The following MRPS27 variants were observed in gnomAD, a reference collection of about 807,000 sequenced individuals.
MRPS27 encodes the protein mitochondrial ribosomal protein S27.
MRPS27 carries 43 observed loss-of-function variants against 48.9 expected under a neutral mutation model. That is an observed-to-expected ratio of 0.88 (90% confidence interval 0.69 to 1.13). The LOEUF is 1.13. Ranked by LOEUF, MRPS27 falls within the 50% of genes most tolerant of loss-of-function variation. The pLI is 0.00. For synonymous variants in MRPS27, 188 were observed against 171.9 expected, an observed-to-expected ratio of 1.09 and a Z score of -0.73; for missense variants, 467 against 476.3, an observed-to-expected ratio of 0.98 and a Z score of 0.18.
At chr5:72,310,677 T>C (rs1257989337) in intron 2 of MRPS27, among the ~76,000 whole-genome samples, 1 of 152,332 alleles carries the variant, frequency 6.6e-6, no homozygotes, top group Non-Finnish European at 1.5e-5. Context: ...ACCATTATAG[T>C]AAAGATTGAT....
rs547922701 is a variant in MRPS27 at position 72,227,810 on chromosome 5, AC to A, written c.694+455del. 332 of 161,692 alleles carry A rather than the reference AC, an allele frequency of 2.1e-3. 4 individuals carry two copies. The highest frequency in any genetic ancestry group is 7.7e-3 in the African/African-American group (324 of 41,948). The allele number at this position is 161,692 out of a possible 1,614,324, so 10.0% of individuals were successfully genotyped here. A position where few individuals can be genotyped will look rare whatever the true frequency, so the allele number is the denominator to read the frequency against. On this transcript the variant is annotated intron_variant, in intron 8 of 10. Coordinates refer to ENST00000261413, the MANE Select transcript of MRPS27 (RefSeq NM_015084.3). The stretch of plus-strand genomic sequence containing the variant: ...ACCACTCCACTTTTCCTGAAGTGCT[AC>A]TACTTCTGCTCTTAGTTTATCTTCC...
At chr5:72,318,928 T>G (rs777218621) in intron 1 of MRPS27, among the ~76,000 whole-genome samples, 1 of 152,242 alleles carries the variant, frequency 6.6e-6, no homozygotes, top group African/African-American at 2.4e-5. Context: ...TGTCAAGCGT[T>G]GTGCATAACA....
chr5:72,291,881 G>A (rs1436343942), intron 4 of MRPS27, among the ~76,000 whole-genome samples: 1 of 152,164 alleles, frequency 6.6e-6, no homozygotes, highest in Non-Finnish European at 1.5e-5. Context: ...TAGCTCCAGG[G>A]CTTCTCAGAA....
At chr5:72,308,340 A>T in intron 2 of MRPS27, among the ~76,000 whole-genome samples, 1 of 152,090 alleles carries the variant, frequency 6.6e-6, no homozygotes, top group East Asian at 1.9e-4. Flanking sequence ...CCACACCCAC[A>T]CGCCGCAGTG....
At chr5:72,269,116 GA>G (rs1213134198) in intron 4 of MRPS27, among the ~76,000 whole-genome samples, 1 of 152,216 alleles carries the variant, frequency 6.6e-6, no homozygotes, top group Admixed American at 6.5e-5. Context: ...TGTTGCATAT[GA>G]GTTTTCCTTG....
chr5:72,239,301 T>C (rs1748290336), intron 4 of MRPS27, among the ~76,000 whole-genome samples: 1 of 152,124 alleles, frequency 6.6e-6, no homozygotes. Flanking sequence ...TCTGCCAAAG[T>C]AATGGTTAAG....
At chr5:72,222,159 A>G (rs1408924429) in intron 10 of MRPS27, among the ~76,000 whole-genome samples, 1 of 152,210 alleles carries the variant, frequency 6.6e-6, no homozygotes, top group Non-Finnish European at 1.5e-5. Context: ...ACCTCTGACT[A>G]ATAAAAATCA....
intron 2 of MRPS27, among the ~76,000 whole-genome samples, chr5:72,309,789 T>C (rs962594145): frequency 3.9e-5 from 6 of 152,208 alleles, no homozygotes; most frequent in Non-Finnish European, 8.8e-5. Context: ...AATTCACATA[T>C]GGCACATCCG....
At chr5:72,281,108 T>C (rs1749522631) in intron 4 of MRPS27, among the ~76,000 whole-genome samples, 1 of 152,206 alleles carries the variant, frequency 6.6e-6, no homozygotes, top group Non-Finnish European at 1.5e-5. Context: ...TAGGGAAACC[T>C]AAACCAGAAA....
chr5:72,293,275 C>T (rs1427882921), intron 4 of MRPS27, among the ~76,000 whole-genome samples: 2 of 147,600 alleles, frequency 1.4e-5, no homozygotes, highest in African/African-American at 5.0e-5. Context: ...CACATGAAGT[C>T]ATAAAAACAT....
chr5:72,316,573 T>C (rs1750569841), intron 1 of MRPS27, among the ~76,000 whole-genome samples: 1 of 151,886 alleles, frequency 6.6e-6, no homozygotes, highest in Non-Finnish European at 1.5e-5. Context: ...TTCACCATAA[T>C]AGCCAGGCTG....
rs538614096 is a variant in MRPS27 at position 72,286,181 on chromosome 5, C to A, written c.281+9350G>T. Reference sequence around the variant, plus strand: ...TGTCTCTATATTAATAATGCATGTGCGTGTGTGTATATACCTAAATATGTA... The same window carrying A: ...TGTCTCTATATTAATAATGCATGTGAGTGTGTGTATATACCTAAATATGTA... On this transcript the variant is annotated intron_variant, in intron 4 of 10. Coordinates refer to ENST00000261413, the MANE Select transcript of MRPS27 (RefSeq NM_015084.3). 1.5e-4 allele frequency among the ~76,000 whole-genome samples: 23 copies of A among 152,052 alleles called. 1 individual carries two copies. The highest frequency in any genetic ancestry group is 4.3e-4 in the African/African-American group (18 of 41,458).
intron 1 of MRPS27, among the ~76,000 whole-genome samples, chr5:72,315,193 T>C (rs943328485): frequency 6.6e-6 from 1 of 152,288 alleles, no homozygotes; most frequent in African/African-American, 2.4e-5. Context: ...GCAAAACATT[T>C]ATCTAGTACA....
Position 72,223,688 on chromosome 5 carries a change from A to G in MRPS27, c.1000T>C (p.Phe334Leu). The G allele has an allele frequency of 6.2e-7, 1 of 1,613,990 alleles. No homozygotes were observed. Residue 334 changes from phenylalanine (F) to leucine (L), a missense_variant, in exon 10 of 11, where the codon TTT becomes CTT. Phe to Leu is a conservative substitution (Grantham distance 22). Coordinates refer to ENST00000261413, the MANE Select transcript of MRPS27 (RefSeq NM_015084.3). ...CACGTTCTGCTATGATTCACCTTAA[A>G]TCGTTCCAGGTATTGAGGAAGCTTG... ...QSKLPQYLER[F>L]KALHSKLQAL...
chr5:72,313,257 T>G (rs914745013), intron 2 of MRPS27, among the ~76,000 whole-genome samples: 1 of 152,124 alleles, frequency 6.6e-6, no homozygotes, highest in Non-Finnish European at 1.5e-5. Context: ...CCTGCACTTA[T>G]GGGAAAAATC....
intron 2 of MRPS27, among the ~76,000 whole-genome samples, chr5:72,303,546 A>G (rs529123346): frequency 2.6e-5 from 4 of 152,184 alleles, no homozygotes; most frequent in Non-Finnish European, 5.9e-5. Context: ...AAGTCAAAAA[A>G]GTAAAATTAT....
intron 4 of MRPS27, among the ~76,000 whole-genome samples, chr5:72,245,164 C>T (rs999228890): frequency 1.3e-5 from 2 of 152,168 alleles, no homozygotes; most frequent in Non-Finnish European, 2.9e-5. Flanking sequence ...AAGACTTCTC[C>T]AGCCTCTCTA....
chr5:72,272,897 G>T (rs926947200), intron 4 of MRPS27, among the ~76,000 whole-genome samples: 1 of 152,086 alleles, frequency 6.6e-6, no homozygotes, highest in African/African-American at 2.4e-5. Context: ...TTGAAGGTAG[G>T]TATTGACACT....
At chr5:72,288,846 G>A (rs1230361634) in intron 4 of MRPS27, 5 of 152,062 alleles carry the variant, frequency 3.3e-5, no homozygotes, top group Admixed American at 2.6e-4. Flanking sequence ...AAGTCTCTAC[G>A]CCCTCAAAGG....
Sources: allele counts gnomAD v4.1 joint callset (sites outside exome capture counted in the v4.1 genomes callset), GRCh38; gene constraint gnomAD v4.1.1; transcripts MANE v1.5; gene names NCBI Gene and HGNC (gene_info 2026-07-23, HGNC 2026-07-21).